PCDH15: variants seen among roughly 807,000 people sequenced by gnomAD.
PCDH15 encodes protocadherin-15.
Under a neutral mutation model 178.5 loss-of-function variants are expected in PCDH15, and 129 were observed. That is an observed-to-expected ratio of 0.72 (90% CI 0.63 to 0.84). The LOEUF is 0.84. PCDH15 is among the 40% of genes least tolerant of loss of function. PCDH15 has a pLI of 0.00. For synonymous variants in PCDH15, 800 were observed against 732.0 expected (o/e 1.09, Z -1.50); for missense variants, 2,230 against 2,099.9 (o/e 1.06, Z -1.21).
chr10:54,821,048 T>C (rs1953029320), intron 3 of PCDH15, among the ~76,000 whole-genome samples: 1 of 152,076 alleles, frequency 6.6e-6, no homozygotes, highest in East Asian at 1.9e-4. Flanking sequence ...ATCAATTCTT[T>C]GCACTTCTAC....
At chr10:54,670,657 A>G (rs1304031360) in intron 1 of PCDH15, among the ~76,000 whole-genome samples, 2 of 152,158 alleles carry the variant, frequency 1.3e-5, no homozygotes, top group Non-Finnish European at 2.9e-5. Flanking sequence ...TTAATAAAAT[A>G]TAAATACACC....
intron 3 of PCDH15, among the ~76,000 whole-genome samples, chr10:54,517,546 C>A (rs2082360579): frequency 6.6e-6 from 1 of 151,956 alleles, no homozygotes; most frequent in Non-Finnish European, 1.5e-5. Flanking sequence ...TACAGGAGCA[C>A]CCAGATTCAT....
intron 2 of PCDH15, among the ~76,000 whole-genome samples, chr10:55,146,563 G>T (rs1001912784): frequency 6.6e-6 from 1 of 151,780 alleles, no homozygotes; most frequent in African/African-American, 2.4e-5. Context: ...TCTGTAACAC[G>T]TGATAATTTG....
intron 2 of PCDH15, among the ~76,000 whole-genome samples, chr10:54,573,078 G>C (rs2090029990): frequency 6.6e-6 from 1 of 151,928 alleles, no homozygotes; most frequent in Non-Finnish European, 1.5e-5. Context: ...ACTGTGCCTT[G>C]CTTCTCCTTT....
intron 2 of PCDH15, among the ~76,000 whole-genome samples, chr10:54,985,551 G>T (rs929121825): frequency 6.6e-6 from 1 of 152,104 alleles, no homozygotes; most frequent in African/African-American, 2.4e-5. Flanking sequence ...TTAGCCTACA[G>T]TTGGGCAAAA....
At chr10:55,197,321 A>C (rs944465852) in intron 1 of PCDH15, among the ~76,000 whole-genome samples, 1 of 152,094 alleles carries the variant, frequency 6.6e-6, no homozygotes, top group Admixed American at 6.5e-5. Flanking sequence ...TTTATTCAAT[A>C]AACAGCATCT....
At chr10:55,412,183 C>T (rs1838354421) in intron 2 of PCDH15, among the ~76,000 whole-genome samples, 1 of 152,002 alleles carries the variant, frequency 6.6e-6, no homozygotes, top group South Asian at 2.1e-4. Flanking sequence ...TTCCATCACA[C>T]ATCAAGTAAC....
Position 54,058,351 on chromosome 10 carries a change from A to C in PCDH15, c.2220+8406T>G, listed in dbSNP as rs574601951. Among the ~76,000 whole-genome samples the C allele has an allele frequency of 5.9e-5, 9 of 152,272 alleles. No individual in the cohort carries two copies. In the South Asian group the frequency reaches 1.7e-3, roughly 28 times the overall value. ...ATTGACTCACAGTTTCACATGGCTC[A>C]GGAGGCCTGCTTTCATGGCAGAAGG... On this transcript the variant is annotated intron_variant, in intron 18 of 37. Coordinates refer to ENST00000644397, the MANE Select transcript of PCDH15 (RefSeq NM_001384140.1).
Position 54,011,213 on chromosome 10 carries a change from T to G in PCDH15, c.2751+8979A>C, listed in dbSNP as rs1036303613. On this transcript the variant is annotated intron_variant, in intron 20 of 37. Transcript: ENST00000644397. The stretch of plus-strand genomic sequence containing the variant: ...AGCCCCTCTACCACTGCTGCTGCAG[T>G]GATATTGCCCTTGCTGCCCTCAGAC... 2.6e-5 allele frequency among the ~76,000 whole-genome samples: 4 copies of G among 152,090 alleles called. 1 individual carries two copies. Among genetic ancestry groups the G allele is most frequent in the East Asian group, 3.9e-4 (2 of 5,166 alleles).
chr10:54,084,448 G>A (rs1219026973), intron 16 of PCDH15, among the ~76,000 whole-genome samples: 1 of 151,402 alleles, frequency 6.6e-6, no homozygotes, highest in East Asian at 2.0e-4. Context: ...TCTCCAGTCT[G>A]GGAGACAGAA....
intron 2 of PCDH15, among the ~76,000 whole-genome samples, chr10:54,613,246 T>C (rs1169244121): frequency 6.6e-6 from 1 of 151,838 alleles, no homozygotes; most frequent in Non-Finnish European, 1.5e-5. Context: ...CAATGCTATG[T>C]TTTTCTAAAA....
intron 1 of PCDH15, among the ~76,000 whole-genome samples, chr10:54,672,070 A>G (rs1350865545): frequency 6.6e-6 from 1 of 152,088 alleles, no homozygotes; most frequent in Non-Finnish European, 1.5e-5. Flanking sequence ...TCCAGGTTGC[A>G]TGTTCCTTAC....
chr10:55,030,912 C>T (rs10740608), intron 2 of PCDH15, among the ~76,000 whole-genome samples: 86,577 of 151,852 alleles, frequency 0.57, 25,000 homozygotes, highest in East Asian at 0.75. Context: ...CAAAATAATG[C>T]TAATGCAAAA....
chr10:55,334,755 G>C (rs1844333716), intron 2 of PCDH15, among the ~76,000 whole-genome samples: 1 of 152,042 alleles, frequency 6.6e-6, no homozygotes, highest in East Asian at 1.9e-4. Context: ...AAAAAATCTA[G>C]ATTGTTATTT....
intron 9 of PCDH15, among the ~76,000 whole-genome samples, chr10:54,222,510 A>G (rs934247940): frequency 1.3e-5 from 2 of 152,218 alleles, no homozygotes; most frequent in African/African-American, 4.8e-5. Context: ...TGTATCAATA[A>G]TATTATATTT....
At chr10:55,038,541 T>A (rs1390734060) in intron 2 of PCDH15, among the ~76,000 whole-genome samples, 1 of 152,182 alleles carries the variant, frequency 6.6e-6, no homozygotes, top group Non-Finnish European at 1.5e-5. Context: ...AAAGCAGAAT[T>A]TAACTCTTTT....
intron 1 of PCDH15, among the ~76,000 whole-genome samples, chr10:54,725,202 C>T (rs116750951): frequency 0.12 from 18,409 of 150,706 alleles, 1,228 homozygotes; most frequent in African/African-American, 0.17. Flanking sequence ...CCATTTCTTG[C>T]GAAATTTTCT....
At chr10:54,556,087 T>G (rs1482732507) in intron 2 of PCDH15, among the ~76,000 whole-genome samples, 1 of 152,238 alleles carries the variant, frequency 6.6e-6, no homozygotes, top group Admixed American at 6.5e-5. Context: ...GGGGTACCCA[T>G]TTATTTCAGA....
chr10:55,244,002 A>G (rs118005418), intron 1 of PCDH15, among the ~76,000 whole-genome samples: 8,898 of 152,076 alleles, frequency 0.059, 336 homozygotes, highest in Non-Finnish European at 0.089. Flanking sequence ...GATTTTATAT[A>G]TTATATAAAA....
Sources: gnomAD v4.1 joint callset for allele counts (sites outside exome capture counted in the v4.1 genomes callset) on GRCh38, gnomAD v4.1.1 for gene constraint, MANE v1.5 for transcripts, NCBI Gene and HGNC (gene_info 2026-07-23, HGNC 2026-07-21) for gene names.